The following CLASP2 variants were observed in gnomAD, a reference collection of about 807,000 sequenced individuals.
CLASP2 encodes CLIP-associating protein 2.
Under a neutral mutation model 194.4 loss-of-function variants are expected in CLASP2, and 47 were observed. That is an observed-to-expected ratio of 0.24 (90% CI 0.19 to 0.31). The LOEUF (loss-of-function observed/expected upper bound fraction) is 0.31. Ranked by LOEUF, CLASP2 falls within the 10% of genes least tolerant of loss-of-function variation. The pLI, the probability that CLASP2 is intolerant of heterozygous loss-of-function variation, is 1.00. For synonymous variants in CLASP2, 619 were observed against 633.5 expected, an observed-to-expected ratio of 0.98 and a Z score of 0.34; for missense variants, 1,445 against 1,823.6, an observed-to-expected ratio of 0.79 and a Z score of 3.78.
chr3:33,651,071 T>G (rs1559531360), intron 7 of CLASP2, among the ~76,000 whole-genome samples: 1 of 152,192 alleles, frequency 6.6e-6, no homozygotes, highest in Non-Finnish European at 1.5e-5. Context: ...CTACTCAGTA[T>G]GAATTCACAT....
At chr3:33,516,756 C>G (rs2051435662) in intron 35 of CLASP2, among the ~76,000 whole-genome samples, 1 of 152,132 alleles carries the variant, frequency 6.6e-6, no homozygotes, top group South Asian at 2.1e-4. Context: ...ATGTACTTTT[C>G]TATAAGAATT....
At chr3:33,631,189 C>T (rs190835252) in intron 9 of CLASP2, among the ~76,000 whole-genome samples, 7 of 152,098 alleles carry the variant, frequency 4.6e-5, no homozygotes, top group South Asian at 2.1e-4. Context: ...CTCATCATAC[C>T]GGTAAAAATA....
chr3:33,634,350 CA>C (rs1295255875), intron 8 of CLASP2, among the ~76,000 whole-genome samples: 2 of 152,168 alleles, frequency 1.3e-5, no homozygotes, highest in African/African-American at 4.8e-5. Flanking sequence ...CAGGGAGTGG[CA>C]AACTTTATCT....
At chr3:33,538,010 G>T (rs556909864) in intron 33 of CLASP2, among the ~76,000 whole-genome samples, 3 of 152,192 alleles carry the variant, frequency 2.0e-5, no homozygotes, top group African/African-American at 7.2e-5. Flanking sequence ...GCATGGTGGC[G>T]GGCGCCTGTA....
chr3:33,567,135 C>A (rs1161951793), intron 26 of CLASP2, among the ~76,000 whole-genome samples: 4 of 152,132 alleles, frequency 2.6e-5, no homozygotes, highest in Non-Finnish European at 4.4e-5. Flanking sequence ...AGAATTTTTT[C>A]CTTTCTTTTC....
chr3:33,594,034 G>A (rs2069542097), intron 20 of CLASP2, among the ~76,000 whole-genome samples: 1 of 151,978 alleles, frequency 6.6e-6, no homozygotes, highest in South Asian at 2.1e-4. Context: ...TGTAGAGATG[G>A]GTTCTCACTA....
At chr3:33,602,289 A>G in intron 18 of CLASP2, 1 of 481,788 alleles carries the variant, frequency 2.1e-6, no homozygotes, top group Non-Finnish European at 3.7e-6. Context: ...TTTGAGTGTC[A>G]TGTTGGTGCT....
intron 32 of CLASP2, among the ~76,000 whole-genome samples, chr3:33,541,351 T>C (rs2058330332): frequency 6.6e-6 from 1 of 151,990 alleles, no homozygotes. Context: ...AGTTCAGGGG[T>C]ATGTGTTCAG....
chr3:33,627,790 C>T lies in CLASP2; in HGVS notation c.943-710G>A, dbSNP rs76476931. Among the ~76,000 whole-genome samples, 40 of 152,140 alleles carry T rather than the reference C, an allele frequency of 2.6e-4. 1 individual carries two copies. The East Asian group carries it at 7.7e-3, about 29-fold the overall frequency. On this transcript the variant is annotated intron_variant, in intron 9 of 38. Transcript: ENST00000682230. The stretch of plus-strand genomic sequence containing the variant: ...AGTTTATACATAAGAGGAGGTTGAC[C>T]TATGAGGAAAGTCAAGCTTGAGCTG...
chr3:33,515,255 T>C (rs2050975543), intron 36 of CLASP2, among the ~76,000 whole-genome samples: 1 of 152,176 alleles, frequency 6.6e-6, no homozygotes, highest in Admixed American at 6.5e-5. Flanking sequence ...ACATTTTTTT[T>C]CTAATTCTTT....
chr3:33,550,610 C>A (rs768142228), intron 30 of CLASP2, among the ~76,000 whole-genome samples: 5 of 151,108 alleles, frequency 3.3e-5, no homozygotes, highest in Admixed American at 1.3e-4. Flanking sequence ...AATAGCCATA[C>A]ACATGTAGCA....
chr3:33,506,681 G>A (rs1031034988), intron 37 of CLASP2, among the ~76,000 whole-genome samples: 1 of 152,046 alleles, frequency 6.6e-6, no homozygotes, highest in East Asian at 1.9e-4. Flanking sequence ...TGAGGTAGGG[G>A]TTCAACTTCA....
chr3:33,589,533 G>A lies in CLASP2; in HGVS notation c.2068+2862C>T, dbSNP rs570281674. On this transcript the variant is annotated intron_variant, in intron 21 of 38. Coordinates refer to ENST00000682230, the MANE Select transcript of CLASP2 (RefSeq NM_001365631.1). ...TAATACCTTTTTTACAAAAGAATTC[G>A]GAATGGAACATATAGTCATTCAAAT... 1.5e-4 allele frequency among the ~76,000 whole-genome samples: 23 copies of A among 152,002 alleles called. No individual in the cohort carries two copies. In the East Asian group the frequency reaches 2.3e-3, roughly 15 times the overall value.
At chr3:33,626,086 A>G (rs1021090987) in intron 10 of CLASP2, among the ~76,000 whole-genome samples, 3 of 152,136 alleles carry the variant, frequency 2.0e-5, no homozygotes, top group Admixed American at 2.0e-4. Flanking sequence ...AATAGGAGCC[A>G]TATTTAACAA....
Position 33,717,903 on chromosome 3 carries a change from C to A in CLASP2, c.100G>T (p.Ala34Ser). The A allele has an allele frequency of 6.4e-7, 1 of 1,554,786 alleles. No homozygotes were observed. Among genetic ancestry groups the A allele is most frequent in the Non-Finnish European group, 8.7e-7 (1 of 1,149,878 alleles). ...VGQELLLYLG[A>S]PGAISDLEED... ...TCCAGGTCCGAGATGGCGCCGGGGG[C>A]GCCAAGGTAGAGCAGGAGCTCCTGG... is the stretch of plus-strand genomic sequence containing the variant. The change falls in exon 1 of 39, where the codon GCC (alanine) becomes TCC (serine). Residue 34 changes from alanine to serine, a missense_variant. By Grantham distance (99) the Ala-to-Ser change is moderately conservative. Transcript: ENST00000682230.
rs758276495 is a variant in CLASP2, at chr3:33,592,411, C to G, written c.2052G>C (p.Met684Ile). The G allele has an allele frequency of 1.2e-6, 2 of 1,612,660 alleles. No homozygotes were observed. The highest frequency in any genetic ancestry group is 2.7e-5 in the African/African-American group (2 of 75,018). ...AATACATACGCTGTGATTGAGACAC[C>G]ATTTTTGTTCGACTTCTTCCTCTAG... ...ADSRGRSRTK[M>I]VSQSQPGSRS... Residue 684 changes from methionine (M) to isoleucine (I), a missense_variant, in exon 21 of 39, where the codon ATG becomes ATC. Coordinates refer to ENST00000682230, the MANE Select transcript of CLASP2 (RefSeq NM_001365631.1).
rs1197855678 is a variant in CLASP2 at position 33,512,413 on chromosome 3, C to T, written c.4111-1649G>A. ...CACACTCTGGGGACTGTGGTGGGGT[C>T]GGGGGAGGGGGGAGGGATAGCATTG... On this transcript the variant is annotated intron_variant, in intron 36 of 38. Transcript: ENST00000682230. Among the ~76,000 whole-genome samples, 93 of 24,888 alleles carry T rather than the reference C, an allele frequency of 3.7e-3. 5 individuals are homozygous for T. The highest frequency in any genetic ancestry group is 0.013 in the African/African-American group (70 of 5,582). 16.3% of individuals were successfully genotyped at this position (24,888 alleles called of 152,430 possible).
In CLASP2 at chr3:33,705,962, A is replaced by C. The variant is rs1470766417; in HGVS notation, c.196-9029T>G. Among the ~76,000 whole-genome samples the C allele has an allele frequency of 2.6e-5, 4 of 152,240 alleles. 1 individual carries two copies. The highest frequency in any genetic ancestry group is 9.7e-5 in the African/African-American group (4 of 41,450). ...TAGACAGACATAAATGTTTATAAAA[A>C]ACAATGATGGCTGGGTGCGGTGGCT... is the stretch of plus-strand genomic sequence containing the variant. On this transcript the variant is annotated intron_variant, in intron 1 of 38. Transcript: ENST00000682230.
chr3:33,556,961 C>T (rs2061054300), intron 29 of CLASP2, among the ~76,000 whole-genome samples: 1 of 151,918 alleles, frequency 6.6e-6, no homozygotes, highest in African/African-American at 2.4e-5. Flanking sequence ...ACTCAACTAT[C>T]AACCCCTTAT....
Sources: allele counts gnomAD v4.1 joint callset (sites outside exome capture counted in the v4.1 genomes callset), GRCh38; gene constraint gnomAD v4.1.1; transcripts MANE v1.5; gene names NCBI Gene and HGNC (gene_info 2026-07-23, HGNC 2026-07-21).